Variants in SPPL3 observed in about 807,000 individuals in gnomAD.
SPPL3 encodes signal peptide peptidase like 3.
In SPPL3, 5 loss-of-function variants were observed where a neutral mutation model predicts 42.4. The ratio of observed to expected loss-of-function variants is 0.12; its 90% CI spans 0.06 to 0.25. The LOEUF is 0.25. Ranked by LOEUF, SPPL3 falls within the 10% of genes least tolerant of loss-of-function variation. The probability of loss-of-function intolerance (pLI) is 1.00; values close to 1 mark genes in which losing one functional copy is unlikely to be tolerated. For synonymous variants in SPPL3, 195 were observed against 181.8 expected (o/e 1.07, Z -0.58); for missense variants, 235 against 489.0 (o/e 0.48, Z 4.90).
chr12:120,825,798 C>T (rs1171457293), intron 1 of SPPL3, among the ~76,000 whole-genome samples: 1 of 151,774 alleles, frequency 6.6e-6, no homozygotes, highest in Non-Finnish European at 1.5e-5. Context: ...ATAAATTGGG[C>T]AGAAGAGACT....
intron 1 of SPPL3, among the ~76,000 whole-genome samples, chr12:120,814,661 T>TAC (rs145414824): frequency 0.063 from 9,610 of 152,208 alleles, 532 homozygotes; most frequent in East Asian, 0.29. Flanking sequence ...AAAAAGTACA[T>TAC]ACACAGAGGT....
chr12:120,842,856 A>G (rs1174193500), intron 1 of SPPL3, among the ~76,000 whole-genome samples: 1 of 152,182 alleles, frequency 6.6e-6, no homozygotes, highest in Non-Finnish European at 1.5e-5. Context: ...CACAGTATTG[A>G]AAACAGAGGC....
At chr12:120,770,368 T>C (rs907813761) in intron 6 of SPPL3, among the ~76,000 whole-genome samples, 11 of 152,314 alleles carry the variant, frequency 7.2e-5, no homozygotes, top group Admixed American at 1.3e-4. Context: ...TGGAGTCATC[T>C]GGATTTTTCT....
intron 6 of SPPL3, among the ~76,000 whole-genome samples, chr12:120,777,096 AATATGTGGTTCACAGTC>A (rs964714640): frequency 2.4e-4 from 37 of 152,300 alleles, no homozygotes; most frequent in African/African-American, 8.7e-4. Context: ...CTCTCTTAGG[AATATGTGGTTCACAGTC>A]ATCCAAACAG....
At chr12:120,782,164 G>A (rs986439019) in intron 6 of SPPL3, among the ~76,000 whole-genome samples, 5 of 152,124 alleles carry the variant, frequency 3.3e-5, no homozygotes, top group African/African-American at 1.2e-4. Context: ...GCCATTGTGC[G>A]AAGCTTCCAT....
intron 1 of SPPL3, among the ~76,000 whole-genome samples, chr12:120,884,526 T>A (rs1170658312): frequency 1.4e-5 from 2 of 144,626 alleles, no homozygotes; most frequent in African/African-American, 2.6e-5. Context: ...TTGGGATTTC[T>A]GGGTTTCAAC....
intron 1 of SPPL3, among the ~76,000 whole-genome samples, chr12:120,888,322 T>G (rs903478380): frequency 3.9e-5 from 6 of 152,166 alleles, no homozygotes; most frequent in African/African-American, 1.4e-4. Context: ...GTGATCCACC[T>G]GCCTCAGCCT....
intron 1 of SPPL3, among the ~76,000 whole-genome samples, chr12:120,854,355 G>T (rs1160733884): frequency 6.6e-6 from 1 of 152,166 alleles, no homozygotes; most frequent in East Asian, 1.9e-4. Context: ...GATAAGTGTT[G>T]AATTATATGT....
intron 3 of SPPL3, among the ~76,000 whole-genome samples, chr12:120,788,997 C>T (rs1372826722): frequency 1.3e-5 from 2 of 152,162 alleles, no homozygotes; most frequent in Non-Finnish European, 2.9e-5. Context: ...AAGTACTGGT[C>T]GGCCGTCTTT....
At chr12:120,802,227 T>G (rs1392621146) in intron 2 of SPPL3, among the ~76,000 whole-genome samples, 1 of 151,848 alleles carries the variant, frequency 6.6e-6, no homozygotes. Context: ...ATTTAGGTAT[T>G]AGGTTCCTTC....
At chr12:120,865,346 G>A (rs1038183070) in intron 1 of SPPL3, among the ~76,000 whole-genome samples, 1 of 152,126 alleles carries the variant, frequency 6.6e-6, no homozygotes, top group South Asian at 2.1e-4. Context: ...GATCTACAAC[G>A]GCCAGTACAG....
rs1312190815 is a variant in SPPL3 at position 120,802,431 on chromosome 12, A to ATAT, written c.101+8377_101+8378insATA. Among the ~76,000 whole-genome samples the ATAT allele has an allele frequency of 1.1e-3, 114 of 105,100 alleles. 2 individuals are homozygous for ATAT. The highest frequency in any genetic ancestry group is 5.8e-3 in the Middle Eastern group (1 of 172). The allele number at this position is 105,100 out of a possible 152,430, so 68.9% of individuals were successfully genotyped here. A position where few individuals can be genotyped will look rare whatever the true frequency, so the allele number is the denominator to read the frequency against. ...TGTGTGTGTGTATATATATATATAT[A>ATAT]TTTTTTTTTTTTTTCCTTTTTGAGA... is the stretch of plus-strand genomic sequence containing the variant. On this transcript the variant is annotated intron_variant, in intron 2 of 10. Coordinates refer to ENST00000353487, the MANE Select transcript of SPPL3 (RefSeq NM_139015.5).
intron 6 of SPPL3, among the ~76,000 whole-genome samples, chr12:120,781,311 G>T (rs572077990): frequency 5.3e-5 from 8 of 152,020 alleles, no homozygotes; most frequent in South Asian, 2.1e-4. Context: ...TTTAATGCAA[G>T]AATTCTGTTC....
intron 2 of SPPL3, among the ~76,000 whole-genome samples, chr12:120,809,796 T>C (rs1005388817): frequency 6.6e-6 from 1 of 152,128 alleles, no homozygotes; most frequent in Non-Finnish European, 1.5e-5. Context: ...CACAACCCTA[T>C]TAATAGTAAG....
At chr12:120,768,186 T>A in intron 8 of SPPL3, 139 bp downstream of exon 8, 1 of 1,115,602 alleles carries the variant, frequency 9.0e-7, no homozygotes, top group Non-Finnish European at 1.2e-6. Flanking sequence ...AAGAATCTCA[T>A]CCTCATTTCC....
intron 1 of SPPL3, among the ~76,000 whole-genome samples, chr12:120,859,615 G>A (rs566426197): frequency 6.6e-6 from 1 of 152,186 alleles, no homozygotes; most frequent in Admixed American, 6.5e-5. Flanking sequence ...CAATTAAAAA[G>A]GAAGCTACAC....
At chr12:120,790,306 C>T (rs933421891) in intron 3 of SPPL3, among the ~76,000 whole-genome samples, 1 of 152,204 alleles carries the variant, frequency 6.6e-6, no homozygotes, top group African/African-American at 2.4e-5. Flanking sequence ...ACAATGAAAC[C>T]CATGTGACTG....
intron 6 of SPPL3, among the ~76,000 whole-genome samples, chr12:120,771,594 G>A (rs1050099154): frequency 6.6e-6 from 1 of 152,014 alleles, no homozygotes; most frequent in Non-Finnish European, 1.5e-5. Context: ...CAACTCCAGT[G>A]AAGGTTCCCC....
chr12:120,874,361 G>A (rs1873014083), intron 1 of SPPL3, among the ~76,000 whole-genome samples: 3 of 150,666 alleles, frequency 2.0e-5, no homozygotes, highest in East Asian at 3.9e-4. Context: ...GCTGAGGCAG[G>A]AGAATTGATT....
Sources: gnomAD v4.1 joint callset for allele counts (sites outside exome capture counted in the v4.1 genomes callset) on GRCh38, gnomAD v4.1.1 for gene constraint, MANE v1.5 for transcripts, NCBI Gene and HGNC (gene_info 2026-07-23, HGNC 2026-07-21) for gene names.